Variants in ARMC9 observed in about 807,000 individuals in gnomAD.
ARMC9 encodes the protein lisH domain-containing protein ARMC9.
A neutral mutation model predicts 107.0 loss-of-function variants in ARMC9; 94 were observed. The ratio of observed to expected loss-of-function variants is 0.88; its 90% CI spans 0.74 to 1.04. The LOEUF is 1.04. Among genes scored for constraint, ARMC9 ranks in the 50% least tolerant of loss-of-function variants. The probability of loss-of-function intolerance (pLI) is 0.00; values close to 1 mark genes in which losing one functional copy is unlikely to be tolerated. For synonymous variants in ARMC9, 380 were observed against 396.9 expected, an observed-to-expected ratio of 0.96 and a Z score of 0.51; for missense variants, 942 against 1,030.1, an observed-to-expected ratio of 0.91 and a Z score of 1.17.
In ARMC9 at chr2:231,374,813, T is replaced by C. The variant is rs1446304635; in HGVS notation, c.*3278T>C. On this transcript the variant is annotated 3_prime_UTR_variant, in exon 25 of 25. Transcript: ENST00000611582. ...ATTTGATTTTTTTTAAATATTACAT[T>C]AAAATATTACATCATGTGTCTTCAT... The C allele has an allele frequency of 3.9e-5, 6 of 152,162 alleles. No homozygotes were observed. The highest frequency in any genetic ancestry group is 3.9e-4 in the Admixed American group (6 of 15,270). The allele number at this position is 152,162 out of a possible 1,614,324, so 9.4% of individuals were successfully genotyped here.
intron 21 of ARMC9, among the ~76,000 whole-genome samples, chr2:231,351,702 A>G: frequency 6.6e-6 from 1 of 152,108 alleles, no homozygotes; most frequent in South Asian, 2.1e-4. Flanking sequence ...AGATGATTTA[A>G]TGATTTATAT....
chr2:231,201,693 A>G (rs111622581), intron 1 of ARMC9, among the ~76,000 whole-genome samples: 1 of 152,196 alleles, frequency 6.6e-6, no homozygotes, highest in African/African-American at 2.4e-5. Flanking sequence ...CCCCATTCTT[A>G]ACCTGATTAG....
chr2:231,225,440 CA>C lies in ARMC9; in HGVS notation c.598-1327del, dbSNP rs370204413. ...TCATAGTAACATTATTCATAATAGC[CA>C]AAAAAATGCAAACAACTCAAATGTC... On this transcript the variant is annotated intron_variant, in intron 6 of 24. Transcript: ENST00000611582. Among the ~76,000 whole-genome samples, 812 of 152,070 alleles carry C rather than the reference CA, an allele frequency of 5.3e-3. 12 individuals carry two copies. The highest frequency in any genetic ancestry group is 0.019 in the African/African-American group (779 of 41,496).
intron 19 of ARMC9, among the ~76,000 whole-genome samples, chr2:231,315,256 A>AC (rs58684038): frequency 7.0e-6 from 1 of 142,566 alleles, no homozygotes; most frequent in African/African-American, 2.6e-5. Context: ...AAAAAAAAAA[A>AC]TGCTGGACGC....
At chr2:231,333,403 A>C (rs2043870868) in intron 20 of ARMC9, among the ~76,000 whole-genome samples, 1 of 152,182 alleles carries the variant, frequency 6.6e-6, no homozygotes, top group Admixed American at 6.5e-5. Context: ...GCGGGGAACC[A>C]CCGCGAACCC....
chr2:231,303,025 A>C (rs6746988), intron 19 of ARMC9, among the ~76,000 whole-genome samples: 2,625 of 152,262 alleles, frequency 0.017, 77 homozygotes, highest in African/African-American at 0.061. Flanking sequence ...TAAATAAGTA[A>C]ATAGTCATTT....
At chr2:231,324,668 G>C (rs13023082) in intron 19 of ARMC9, among the ~76,000 whole-genome samples, 91,490 of 151,500 alleles carry the variant, frequency 0.6, 28,416 homozygotes, top group Admixed American at 0.69. Context: ...CACTTGAACC[G>C]AGGAGGCGGA....
chr2:231,264,967 A>C (rs1035452030), intron 12 of ARMC9, among the ~76,000 whole-genome samples: 5 of 152,074 alleles, frequency 3.3e-5, no homozygotes, highest in African/African-American at 1.2e-4. Context: ...ACGTGGTGGC[A>C]CGCACCTGTA....
At chr2:231,234,542 A>G (rs1466381286) in intron 7 of ARMC9, among the ~76,000 whole-genome samples, 1 of 152,202 alleles carries the variant, frequency 6.6e-6, no homozygotes, top group African/African-American at 2.4e-5. Context: ...TAATACAAAA[A>G]CAGAGAAAAA....
At chr2:231,231,598 G>A (rs939527783) in intron 7 of ARMC9, among the ~76,000 whole-genome samples, 10 of 150,954 alleles carry the variant, frequency 6.6e-5, no homozygotes, top group African/African-American at 2.4e-4. Context: ...TGGCCAGGCT[G>A]GTCTCGAACT....
intron 7 of ARMC9, among the ~76,000 whole-genome samples, chr2:231,227,217 T>A (rs1433596902): frequency 6.6e-6 from 1 of 152,256 alleles, no homozygotes; most frequent in African/African-American, 2.4e-5. Context: ...CCCATTCTTA[T>A]CAAGCATTTT....
chr2:231,242,354 C>A (rs1402463063), intron 9 of ARMC9, among the ~76,000 whole-genome samples: 1 of 152,156 alleles, frequency 6.6e-6, no homozygotes, highest in African/African-American at 2.4e-5. Flanking sequence ...TCAGCTGTTC[C>A]ACACACGTGG....
chr2:231,351,843 A>T (rs1005222161), intron 21 of ARMC9, among the ~76,000 whole-genome samples: 1 of 152,150 alleles, frequency 6.6e-6, no homozygotes, highest in Admixed American at 6.5e-5. Context: ...AAAAAAAATT[A>T]TGACCCTCCC....
intron 11 of ARMC9, 147 bp downstream of exon 11, chr2:231,259,249 C>T: frequency 1.4e-6 from 1 of 696,942 alleles, no homozygotes; most frequent in Non-Finnish European, 2.4e-6. Context: ...AGTCAAAAGC[C>T]ACTTCTGAAG....
At chr2:231,371,287 G>T (rs1489758781) in intron 24 of ARMC9, among the ~76,000 whole-genome samples, 2 of 152,174 alleles carry the variant, frequency 1.3e-5, no homozygotes, top group Non-Finnish European at 2.9e-5. Context: ...CAACAAACAC[G>T]TGAGCTGTTG....
In ARMC9 at chr2:231,360,692, G is replaced by A; in HGVS notation, c.2132-62G>A. On this transcript the variant is annotated intron_variant, in intron 22 of 24. Coordinates refer to ENST00000611582, the MANE Select transcript of ARMC9 (RefSeq NM_001352754.2). The surrounding 1 kb of genome is among the most constrained non-coding windows in gnomAD (Gnocchi z 4.7). ...CTTGGCTTTCCAACCCAGCCCACGAGAGGGCATCCTTAGAGGGGCTCCAGA... is the reference window on the plus strand; with the variant it reads ...CTTGGCTTTCCAACCCAGCCCACGAAAGGGCATCCTTAGAGGGGCTCCAGA... 6.5e-7 allele frequency: 1 copy of A among 1,535,914 alleles called. No homozygotes were observed. The highest frequency in any genetic ancestry group is 8.7e-7 in the Non-Finnish European group (1 of 1,146,776).
intron 20 of ARMC9, among the ~76,000 whole-genome samples, chr2:231,337,168 A>G (rs1391714202): frequency 6.7e-6 from 1 of 150,088 alleles, no homozygotes; most frequent in Admixed American, 6.6e-5. Flanking sequence ...ATCCCTTTTC[A>G]GTCTATTATT....
At chr2:231,320,725 A>G (rs563112604) in intron 19 of ARMC9, among the ~76,000 whole-genome samples, 1 of 152,278 alleles carries the variant, frequency 6.6e-6, no homozygotes, top group African/African-American at 2.4e-5. Flanking sequence ...CCTGGTAGGC[A>G]TCTTATTGGC....
At chr2:231,262,137 C>T (rs1173381051) in intron 11 of ARMC9, among the ~76,000 whole-genome samples, 169 bp from the exon 12 acceptor site, 2 of 152,132 alleles carry the variant, frequency 1.3e-5, no homozygotes, top group East Asian at 1.9e-4. Context: ...CATAGGTTCT[C>T]GTTTTGGTTG....
Sources: allele counts gnomAD v4.1 joint callset (sites outside exome capture counted in the v4.1 genomes callset), GRCh38; gene constraint gnomAD v4.1.1; non-coding constraint Gnocchi (gnomAD v3.1); transcripts MANE v1.5; gene names NCBI Gene and HGNC (gene_info 2026-07-23, HGNC 2026-07-21).